UBXN2B: variants seen among roughly 807,000 people sequenced by gnomAD.
UBXN2B encodes UBX domain protein 2B.
In UBXN2B, 19 loss-of-function variants were observed where a neutral mutation model predicts 37.5. The ratio of observed to expected loss-of-function variants is 0.51; its 90% CI spans 0.35 to 0.74. UBXN2B has a LOEUF of 0.74. Ranked by LOEUF, UBXN2B falls within the 30% of genes least tolerant of loss-of-function variation. UBXN2B has a pLI of 0.01. For synonymous variants in UBXN2B, 145 were observed against 143.8 expected (o/e 1.01, Z -0.06); for missense variants, 370 against 393.2 (o/e 0.94, Z 0.50).
intron 2 of UBXN2B, among the ~76,000 whole-genome samples, chr8:58,427,660 G>A (rs929372619): frequency 1.3e-5 from 2 of 152,200 alleles, no homozygotes; most frequent in Admixed American, 6.5e-5. Context: ...ATTGTTAATG[G>A]GAGGGCTTAT....
At position 58,424,692 on chromosome 8, in the gene UBXN2B, G is replaced by T. The variant is rs13252159; in HGVS notation, c.189-5827G>T. The T allele has an allele frequency of 1.1e-4, 150 of 1,313,112 alleles. No individual in the cohort carries two copies. The Middle Eastern group carries it at 1.8e-3, about 16-fold the overall frequency. The allele number at this position is 1,313,112 out of a possible 1,614,324, so 81.3% of individuals were successfully genotyped here. A position where few individuals can be genotyped will look rare whatever the true frequency, so the allele number is the denominator to read the frequency against. ...CGTGGAGTTGGAGTACAAGGCGGGG[G>T]GGGGGGCTCTGATCTCCACTCGTCT... is the stretch of plus-strand genomic sequence containing the variant. On this transcript the variant is annotated intron_variant, in intron 2 of 7. Transcript: ENST00000399598.
chr8:58,434,791 T>C (rs190107752), intron 5 of UBXN2B: 97 of 1,528,816 alleles, frequency 6.3e-5, no homozygotes, highest in Middle Eastern at 5.0e-4. Flanking sequence ...CTTAATGTGA[T>C]AATCAGTGAA....
chr8:58,434,348 A>AAT (rs34843413), intron 4 of UBXN2B, 47 bp from the exon 5 acceptor site: 944 of 384,210 alleles, frequency 2.5e-3, no homozygotes, highest in East Asian at 3.8e-3. Context: ...TGTATATGTG[A>AAT]ATATATATAT....
Position 58,430,657 on chromosome 8 carries a change from T to C in UBXN2B, c.327T>C (p.Asp109=), listed in dbSNP as rs2129604175. 3 of 1,566,528 alleles carry C rather than the reference T, an allele frequency of 1.9e-6. No homozygotes were observed. Among genetic ancestry groups the C allele is most frequent in the South Asian group, 2.4e-5 (2 of 81,768 alleles). Residue 109 remains aspartate (D), a synonymous_variant, in exon 3 of 8, where the codon GAT becomes GAC. Coordinates refer to ENST00000399598, the MANE Select transcript of UBXN2B (RefSeq NM_001077619.2). ...PLNEATRASG[D]DKSKSFTGGG... ...ATGAAGCCACAAGAGCTTCAGGTGA[T>C]GATAAATCTAAGGTCAGTGCTCAAT... is the stretch of plus-strand genomic sequence containing the variant.
chr8:58,435,114 G>A (rs954607162), intron 5 of UBXN2B: 10 of 1,410,272 alleles, frequency 7.1e-6, no homozygotes, highest in Middle Eastern at 2.7e-4. Flanking sequence ...CTAGCTGAAA[G>A]TGGAGTTATT....
chr8:58,439,620 C>A lies in UBXN2B; in HGVS notation c.534-13C>A. The A allele has an allele frequency of 1.3e-6, 2 of 1,584,510 alleles. No individual in the cohort carries two copies. The highest frequency in any genetic ancestry group is 1.4e-5 in the African/African-American group (1 of 72,960). On this transcript the variant is annotated splice_polypyrimidine_tract_variant and intron_variant, in intron 5 of 7. Transcript: ENST00000399598. ...AAAACTTAATGATAACTTTTTTCCC[C>A]CCTTTTTAAAAGAGAGATTCCCCTG... is the stretch of plus-strand genomic sequence containing the variant.
chr8:58,427,944 A>G (rs1432792085), intron 2 of UBXN2B, among the ~76,000 whole-genome samples: 1 of 152,240 alleles, frequency 6.6e-6, no homozygotes, highest in Non-Finnish European at 1.5e-5. Context: ...GTTGGATCCC[A>G]TTGGGCAAAG....
At chr8:58,444,305 A>G (rs777705961) in intron 6 of UBXN2B, among the ~76,000 whole-genome samples, 2 of 152,222 alleles carry the variant, frequency 1.3e-5, no homozygotes, top group African/African-American at 2.4e-5. Flanking sequence ...CCAACTATAT[A>G]AAAGCACCAT....
chr8:58,433,711 A>T lies in UBXN2B; in HGVS notation c.423+468A>T, dbSNP rs577797048. ...AGCACTTTGGGAGACTGAGGTGGGC[A>T]GATTGTTTGAGCCCAGGAGTTCGAG... On this transcript the variant is annotated intron_variant, in intron 4 of 7. Transcript: ENST00000399598. Among the ~76,000 whole-genome samples the T allele has an allele frequency of 2.0e-4, 31 of 152,084 alleles. No homozygotes were observed. In the South Asian group the frequency reaches 6.5e-3, roughly 32 times the overall value.
Position 58,451,365 on chromosome 8 carries a change from T to G in UBXN2B, c.*3814T>G, listed in dbSNP as rs1160767597. 2 of 152,216 alleles carry G rather than the reference T, an allele frequency of 1.3e-5. No individual in the cohort carries two copies. Among genetic ancestry groups the G allele is most frequent in the Non-Finnish European group, 2.9e-5 (2 of 68,036 alleles). 9.4% of individuals were successfully genotyped at this position (152,216 alleles called of 1,614,324 possible). A position where few individuals can be genotyped will look rare whatever the true frequency, so the allele number is the denominator to read the frequency against. ...ATTATTTTTACTACTGCAGTCATCT[T>G]AAATTTATAATCATCTCAAAAAAGA... On this transcript the variant is annotated 3_prime_UTR_variant, in exon 8 of 8. Coordinates refer to ENST00000399598, the MANE Select transcript of UBXN2B (RefSeq NM_001077619.2).
At chr8:58,414,275 A>T (rs765031691) in intron 1 of UBXN2B, among the ~76,000 whole-genome samples, 49 of 152,290 alleles carry the variant, frequency 3.2e-4, no homozygotes, top group Middle Eastern at 6.8e-3. Flanking sequence ...AGTGTGATTC[A>T]TTGGTTCTAG....
Position 58,423,514 on chromosome 8 carries a change from C to A in UBXN2B, c.188+6561C>A, listed in dbSNP as rs183820214. Among the ~76,000 whole-genome samples the A allele has an allele frequency of 3.6e-3, 550 of 151,600 alleles. 3 individuals are homozygous for A. The highest frequency in any genetic ancestry group is 4.2e-3 in the Non-Finnish European group (282 of 67,874). Reference sequence around the variant, plus strand: ...GTAGTGGCGAGGTCTCAGCTCACTGCAAGCTCCGCCTCCTGGGTTCACACC... The same window carrying A: ...GTAGTGGCGAGGTCTCAGCTCACTGAAAGCTCCGCCTCCTGGGTTCACACC... On this transcript the variant is annotated intron_variant, in intron 2 of 7. Coordinates refer to ENST00000399598, the MANE Select transcript of UBXN2B (RefSeq NM_001077619.2).
chr8:58,433,919 T>TG (rs1808348064), intron 4 of UBXN2B, among the ~76,000 whole-genome samples: 1 of 152,242 alleles, frequency 6.6e-6, no homozygotes, highest in South Asian at 2.1e-4. Flanking sequence ...TTTGAAATTT[T>TG]GGAGTTTTAA....
At chr8:58,445,304 C>T (rs952754251) in intron 6 of UBXN2B, among the ~76,000 whole-genome samples, 3 of 152,072 alleles carry the variant, frequency 2.0e-5, no homozygotes, top group Non-Finnish European at 4.4e-5. Context: ...CATTTTATTC[C>T]TCAATGGTAC....
At chr8:58,423,697 A>G (rs554699499) in intron 2 of UBXN2B, among the ~76,000 whole-genome samples, 1 of 150,700 alleles carries the variant, frequency 6.6e-6, no homozygotes, top group Non-Finnish European at 1.5e-5. Flanking sequence ...GGCCTCCCAA[A>G]GTGCTGGGAT....
At chr8:58,435,878 A>G (rs1422373212) in intron 5 of UBXN2B, among the ~76,000 whole-genome samples, 1 of 152,146 alleles carries the variant, frequency 6.6e-6, no homozygotes, top group Admixed American at 6.5e-5. Flanking sequence ...TGTAAGACCC[A>G]TTGTCTCCTT....
rs372315404 is a variant in UBXN2B, at chr8:58,441,797, A to G, written c.671+2027A>G. 3.3e-5 allele frequency among the ~76,000 whole-genome samples: 5 copies of G among 152,212 alleles called. No individual in the cohort carries two copies. In the East Asian group the frequency reaches 7.7e-4, roughly 23 times the overall value. ...GAAGAAAGTGACAGAGATCAGTGGT[A>G]ATAATGCCATGTTAATTTACTAGCC... is the stretch of plus-strand genomic sequence containing the variant. On this transcript the variant is annotated intron_variant, in intron 6 of 7. Transcript: ENST00000399598.
intron 1 of UBXN2B, 137 bp from the exon 2 acceptor site, chr8:58,416,713 A>G: frequency 1.8e-6 from 1 of 570,366 alleles, no homozygotes; most frequent in Non-Finnish European, 2.8e-6. Context: ...TCAGAAAGGA[A>G]TCATCTGAAG....
intron 2 of UBXN2B, chr8:58,426,676 A>G (rs1249290327): frequency 9.6e-6 from 7 of 731,188 alleles, no homozygotes; most frequent in South Asian, 1.3e-5. Context: ...AACCATCTCT[A>G]CAATGTCATG....
Sources: allele counts gnomAD v4.1 joint callset (sites outside exome capture counted in the v4.1 genomes callset), GRCh38; gene constraint gnomAD v4.1.1; transcripts MANE v1.5; gene names NCBI Gene and HGNC (gene_info 2026-07-23, HGNC 2026-07-21).